Variants in PDE11A observed in about 807,000 individuals in gnomAD.
The protein encoded by PDE11A is dual 3',5'-cyclic-AMP and -GMP phosphodiesterase 11A.
PDE11A carries 100 observed loss-of-function variants against 100.5 expected under a neutral mutation model. That is an observed-to-expected ratio of 1.00 (90% CI 0.85 to 1.18). The LOEUF (loss-of-function observed/expected upper bound fraction) is 1.18. Ranked by LOEUF, PDE11A falls within the 50% of genes most tolerant of loss-of-function variation. The pLI, the probability that PDE11A is intolerant of heterozygous loss-of-function variation, is 0.00. For missense variants in PDE11A, 1,141 were observed against 1,152.6 expected (o/e 0.99, Z 0.15); for synonymous variants, 381 against 420.8 (o/e 0.91, Z 1.16).
chr2:177,762,165 T>C (rs539466336), intron 10 of PDE11A, among the ~76,000 whole-genome samples: 1 of 152,216 alleles, frequency 6.6e-6, no homozygotes, highest in East Asian at 1.9e-4. Flanking sequence ...CGGGCAGTGA[T>C]GAGGACCCCA....
chr2:177,951,021 TATTGATATATGCAAACA>T (rs2085499318), intron 2 of PDE11A, among the ~76,000 whole-genome samples: 1 of 152,374 alleles, frequency 6.6e-6, no homozygotes, highest in Non-Finnish European at 1.5e-5. Context: ...CAATTAACAT[TATTGATATATGCAAACA>T]CAACTAATAT....
At chr2:177,791,427 ACC>A (rs2082630905) in intron 9 of PDE11A, among the ~76,000 whole-genome samples, 2 of 149,506 alleles carry the variant, frequency 1.3e-5, no homozygotes, top group Non-Finnish European at 3.0e-5. Context: ...TAGGAGATAT[ACC>A]TAATGTTAAA....
At chr2:177,791,513 T>G (rs952202976) in intron 9 of PDE11A, among the ~76,000 whole-genome samples, 3 of 142,116 alleles carry the variant, frequency 2.1e-5, no homozygotes, top group African/African-American at 7.8e-5. Context: ...ATTGTGCACA[T>G]GTACCCTAAA....
At chr2:178,102,970 T>A (rs80167668) in intron 2 of PDE11A, among the ~76,000 whole-genome samples, 2,336 of 152,228 alleles carry the variant, frequency 0.015, 56 homozygotes, top group African/African-American at 0.053. Context: ...AAGACAGAGA[T>A]GCACAGGGGT....
intron 18 of PDE11A, among the ~76,000 whole-genome samples, chr2:177,665,915 ATATT>A (rs577928515): frequency 5.2e-4 from 79 of 152,038 alleles, no homozygotes; most frequent in African/African-American, 1.8e-3. Flanking sequence ...TAAAATTTTC[ATATT>A]TATTTAATTA....
chr2:178,042,394 C>T (rs2086694618), intron 1 of PDE11A, among the ~76,000 whole-genome samples: 1 of 151,310 alleles, frequency 6.6e-6, no homozygotes, highest in African/African-American at 2.4e-5. Flanking sequence ...TGGAAGATGG[C>T]TTGAGTCCAG....
At chr2:178,016,131 ATTTTTTTTT>A (rs55638601) in intron 1 of PDE11A, among the ~76,000 whole-genome samples, 4 of 83,744 alleles carry the variant, frequency 4.8e-5, no homozygotes, top group Non-Finnish European at 8.4e-5. Context: ...TGCCTGGCTA[ATTTTTTTTT>A]TTTTTTTTTT....
chr2:177,797,693 T>C (rs2082725044), intron 9 of PDE11A, among the ~76,000 whole-genome samples: 2 of 152,224 alleles, frequency 1.3e-5, no homozygotes. Flanking sequence ...GGAACTCTTA[T>C]CCAGGATCTC....
chr2:178,067,582 A>G (rs2087064591), intron 1 of PDE11A, among the ~76,000 whole-genome samples: 1 of 152,126 alleles, frequency 6.6e-6, no homozygotes, highest in Admixed American at 6.5e-5. Context: ...TGGAAAATCT[A>G]ATCCTATTTA....
intron 1 of PDE11A, among the ~76,000 whole-genome samples, chr2:178,032,964 A>G (rs1268836266): frequency 6.6e-6 from 1 of 152,190 alleles, no homozygotes; most frequent in African/African-American, 2.4e-5. Context: ...AACAACTGAA[A>G]ATTCAAAAAA....
intron 1 of PDE11A, among the ~76,000 whole-genome samples, chr2:178,046,259 T>C (rs1865588): frequency 0.32 from 49,262 of 152,108 alleles, 10,044 homozygotes; most frequent in East Asian, 0.55. Context: ...TGTGTGTTAA[T>C]TGAAAAATGA....
At chr2:177,792,458 C>A (rs933795314) in intron 9 of PDE11A, among the ~76,000 whole-genome samples, 1 of 152,100 alleles carries the variant, frequency 6.6e-6, no homozygotes, top group Non-Finnish European at 1.5e-5. Context: ...TTCCTCTCCC[C>A]CCATGGTTTT....
chr2:177,773,197 A>C (rs2082335258), intron 9 of PDE11A, among the ~76,000 whole-genome samples: 3 of 151,976 alleles, frequency 2.0e-5, no homozygotes, highest in African/African-American at 7.2e-5. Flanking sequence ...ATTTTTTTAT[A>C]GAAACAGGGT....
intron 2 of PDE11A, chr2:177,997,697 C>T (rs1162136493): frequency 1.9e-6 from 3 of 1,553,310 alleles, no homozygotes; most frequent in Admixed American, 1.7e-5. Flanking sequence ...GTTAAGAAAT[C>T]TGGAAGTTTT....
At chr2:177,935,830 G>C (rs2085265213) in intron 2 of PDE11A, among the ~76,000 whole-genome samples, 1 of 152,146 alleles carries the variant, frequency 6.6e-6, no homozygotes, top group African/African-American at 2.4e-5. Flanking sequence ...GGGAGTAATA[G>C]GGATCTTAGC....
chr2:178,032,748 C>T (rs969873197), intron 1 of PDE11A, among the ~76,000 whole-genome samples: 2 of 152,160 alleles, frequency 1.3e-5, no homozygotes, highest in Non-Finnish European at 2.9e-5. Flanking sequence ...TGATGATACC[C>T]AGGCGAACAG....
intron 6 of PDE11A, among the ~76,000 whole-genome samples, chr2:177,824,314 C>T (rs2083193673): frequency 6.6e-6 from 1 of 152,156 alleles, no homozygotes; most frequent in Non-Finnish European, 1.5e-5. Context: ...GGGTTAATTG[C>T]ATGGGTAAGA....
intron 1 of PDE11A, among the ~76,000 whole-genome samples, chr2:178,039,631 T>C (rs1444232688): frequency 6.6e-6 from 1 of 151,632 alleles, no homozygotes; most frequent in Non-Finnish European, 1.5e-5. Flanking sequence ...AAAATGCCCA[T>C]AGCAACATTA....
chr2:177,735,539 A>T (rs1214422526), intron 10 of PDE11A, among the ~76,000 whole-genome samples: 1 of 152,178 alleles, frequency 6.6e-6, no homozygotes, highest in Non-Finnish European at 1.5e-5. Context: ...TCACCAGGAG[A>T]ATAAGGAAAC....
Sources: allele counts gnomAD v4.1 joint callset (sites outside exome capture counted in the v4.1 genomes callset), GRCh38; gene constraint gnomAD v4.1.1; transcripts MANE v1.5; gene names NCBI Gene and HGNC (gene_info 2026-07-23, HGNC 2026-07-21).